Variants in SUPT7L observed in about 807,000 individuals in gnomAD.
SUPT7L encodes SPT7 like, STAGA complex subunit gamma, also known as STAGA complex 65 subunit gamma.
In SUPT7L, 15 loss-of-function variants were observed where a neutral mutation model predicts 35.7. That is an observed-to-expected ratio of 0.42 (90% CI 0.28 to 0.65). The LOEUF is 0.65. Among genes scored for constraint, SUPT7L ranks in the 30% least tolerant of loss-of-function variants. The pLI is 0.23. For synonymous variants in SUPT7L, 168 were observed against 186.2 expected, an observed-to-expected ratio of 0.90 and a Z score of 0.79; for missense variants, 434 against 522.2, an observed-to-expected ratio of 0.83 and a Z score of 1.65.
At chr2:27,642,743 T>C in the SUPT7L span, among the ~76,000 whole-genome samples, 1 of 151,882 alleles carries the variant, frequency 6.6e-6, no homozygotes, top group Admixed American at 6.6e-5. Flanking sequence ...TTTGTATTTT[T>C]AGTAGAGATG....
chr2:27,646,191 GC>G (rs1674220020), downstream of SUPT7L, among the ~76,000 whole-genome samples: 2 of 152,114 alleles, frequency 1.3e-5, no homozygotes. Context: ...ACAGGCACAT[GC>G]CACCACGCCC....
chr2:27,652,690 G>A lies in SUPT7L; in HGVS notation c.*795C>T, dbSNP rs1403310211. 1.3e-5 allele frequency: 2 copies of A among 152,810 alleles called. No individual in the cohort carries two copies. Among genetic ancestry groups the A allele is most frequent in the Non-Finnish European group, 2.9e-5 (2 of 68,050 alleles). The allele number at this position is 152,810 out of a possible 1,614,324, so 9.5% of individuals were successfully genotyped here. The stretch of plus-strand genomic sequence containing the variant: ...TGATGACCAAGCAAATGCAACAAAT[G>A]AAATATGCACAAGGCTGTCCTTGGA... On this transcript the variant is annotated 3_prime_UTR_variant, in exon 6 of 6. Transcript: ENST00000337768.
downstream of SUPT7L, chr2:27,648,043 T>C (rs777908353): frequency 8.6e-6 from 6 of 699,282 alleles, no homozygotes; most frequent in Non-Finnish European, 1.6e-5. Flanking sequence ...CCAGTAATAG[T>C]GGATAAAGGA....
At chr2:27,661,931 T>C in intron 2 of SUPT7L, 1 of 565,656 alleles carries the variant, frequency 1.8e-6, no homozygotes, top group Non-Finnish European at 3.1e-6. Context: ...GGTGGAAAAA[T>C]TTATGAACCA....
downstream of SUPT7L, chr2:27,650,207 T>TA: frequency 2.0e-6 from 3 of 1,513,016 alleles, no homozygotes; most frequent in Non-Finnish European, 2.8e-6. Context: ...ATAGGAGACT[T>TA]TAGCACACTT....
rs1306073345 is a variant in SUPT7L at position 27,663,565 on chromosome 2, A to G, written c.-326T>C. ...GGCTGTCTGGACCTCGAGAGGCCTG[A>G]GGCAAGGATCGCGTCAGACCCCGAA... On this transcript the variant is annotated 5_prime_UTR_variant, in exon 1 of 6. Coordinates refer to ENST00000337768, the MANE Select transcript of SUPT7L (RefSeq NM_014860.3). 1.7e-6 allele frequency: 1 copy of G among 588,174 alleles called. No individual in the cohort carries two copies. The highest frequency in any genetic ancestry group is 3.0e-6 in the Non-Finnish European group (1 of 332,926). 36.4% of individuals were successfully genotyped at this position (588,174 alleles called of 1,614,324 possible).
At chr2:27,642,881 A>G in the SUPT7L span, among the ~76,000 whole-genome samples, 1 of 151,124 alleles carries the variant, frequency 6.6e-6, no homozygotes, top group Non-Finnish European at 1.5e-5. Flanking sequence ...ACTTATTTCT[A>G]TCAGCAGGAT....
rs1004942549 is a variant in SUPT7L, at chr2:27,657,034, A to G, written c.744+311T>C. 2.0e-5 allele frequency among the ~76,000 whole-genome samples: 3 copies of G among 152,234 alleles called. No homozygotes were observed. Among genetic ancestry groups the G allele is most frequent in the African/African-American group, 7.2e-5 (3 of 41,474 alleles). ...AACTTAGTAACTGCTGAATCCCACA[A>G]TGCTCGACTCTCAACAGGCACTCAA... On this transcript the variant is annotated intron_variant, in intron 4 of 5. Transcript: ENST00000337768. This position sits in a 1 kb window ranked among gnomAD's most constrained non-coding sequence, Gnocchi z 5.2.
chr2:27,662,553 A>G (rs938310941), intron 1 of SUPT7L, among the ~76,000 whole-genome samples: 1 of 152,218 alleles, frequency 6.6e-6, no homozygotes, highest in Non-Finnish European at 1.5e-5. Flanking sequence ...TAAGTACAGC[A>G]TAAGTCCCCA....
chr2:27,653,833 A>G (rs1395883439), intron 5 of SUPT7L, 86 bp from the exon 6 acceptor site: 2 of 1,505,478 alleles, frequency 1.3e-6, no homozygotes, highest in African/African-American at 2.8e-5. Flanking sequence ...ACTCAGAACC[A>G]ACTAATATGC....
In SUPT7L at chr2:27,653,437, TTCTGTTGGGTCTAGTAGG is replaced by T. The variant is rs1182872842; in HGVS notation, c.*30_*47del. The T allele has an allele frequency of 6.4e-7, 1 of 1,566,856 alleles. No homozygotes were observed. The highest frequency in any genetic ancestry group is 8.6e-7 in the Non-Finnish European group (1 of 1,159,448). ...AAACAGATTCTAATACAAAAACCTT[TTCTGTTGGGTCTAGTAGG>T]TCTGGACAAAACATCTCCCTCTTTT... On this transcript the variant is annotated 3_prime_UTR_variant, in exon 6 of 6. Transcript: ENST00000337768.
rs1347478860 is a variant in SUPT7L, at chr2:27,653,342, A to C, written c.*143T>G. ...AAGTAAAATGCAACCTTGTTTGGTG[A>C]CGTCCAGTTCCTCTGGAATTAGGAA... On this transcript the variant is annotated 3_prime_UTR_variant, in exon 6 of 6. Coordinates refer to ENST00000337768, the MANE Select transcript of SUPT7L (RefSeq NM_014860.3). 7.5e-6 allele frequency: 9 copies of C among 1,199,220 alleles called. No homozygotes were observed. Among genetic ancestry groups the C allele is most frequent in the Non-Finnish European group, 1.0e-5 (9 of 869,800 alleles). The allele number at this position is 1,199,220 out of a possible 1,614,324, so 74.3% of individuals were successfully genotyped here.
Position 27,652,092 on chromosome 2 carries a change from G to A in SUPT7L, c.*1393C>T, listed in dbSNP as rs1343276078. 6.6e-6 allele frequency: 1 copy of A among 152,154 alleles called. No homozygotes were observed. 9.4% of individuals were successfully genotyped at this position (152,154 alleles called of 1,614,324 possible). A position where few individuals can be genotyped will look rare whatever the true frequency, so the allele number is the denominator to read the frequency against. On this transcript the variant is annotated 3_prime_UTR_variant, in exon 6 of 6. Transcript: ENST00000337768. ...GAACCTGGGAGGCAGAGGTTGCAGTGAGTCGAAATTGCACCATTGCACTCC... is the reference window on the plus strand; with the variant it reads ...GAACCTGGGAGGCAGAGGTTGCAGTAAGTCGAAATTGCACCATTGCACTCC...
At chr2:27,661,661 T>A in intron 2 of SUPT7L, 1 of 1,298,854 alleles carries the variant, frequency 7.7e-7, no homozygotes, top group Non-Finnish European at 9.8e-7. Flanking sequence ...CTATGACAAT[T>A]CCTACTACAC....
At chr2:27,645,523 A>G in the SUPT7L span, among the ~76,000 whole-genome samples, 8,692 of 152,086 alleles carry the variant, frequency 0.057, 684 homozygotes, top group African/African-American at 0.18. Context: ...GAGAAGTGAC[A>G]TCTCTATGAT....
intron 3 of SUPT7L, among the ~76,000 whole-genome samples, chr2:27,659,467 C>T (rs781780579): frequency 6.6e-6 from 1 of 152,242 alleles, no homozygotes. Context: ...ATTCTACAAG[C>T]GACCTGAACT....
chr2:27,659,761 G>GA (rs553470320), intron 3 of SUPT7L, among the ~76,000 whole-genome samples: 5 of 151,942 alleles, frequency 3.3e-5, no homozygotes, highest in Non-Finnish European at 7.4e-5. Context: ...TAAAATGGGG[G>GA]AAAAAATGTG....
At chr2:27,648,719 G>A (rs1386624764), downstream of SUPT7L, among the ~76,000 whole-genome samples, 4 of 152,040 alleles carry the variant, frequency 2.6e-5, no homozygotes, top group Non-Finnish European at 5.9e-5. Context: ...GACTGCAACC[G>A]CTGCCTCCCG....
At chr2:27,645,399 T>C in the SUPT7L span, among the ~76,000 whole-genome samples, 6 of 152,240 alleles carry the variant, frequency 3.9e-5, no homozygotes, top group Admixed American at 3.9e-4. Context: ...TAATTTTTAT[T>C]TGGCTGTCCT....
Sources: allele counts gnomAD v4.1 joint callset (sites outside exome capture counted in the v4.1 genomes callset), GRCh38; gene constraint gnomAD v4.1.1; non-coding constraint Gnocchi (gnomAD v3.1); transcripts MANE v1.5; gene names NCBI Gene and HGNC (gene_info 2026-07-23, HGNC 2026-07-21).